The following ITGA4 variants were observed in gnomAD, a reference collection of about 807,000 sequenced individuals.
ITGA4 encodes the protein integrin alpha-4.
ITGA4 carries 63 observed loss-of-function variants against 133.6 expected under a neutral mutation model. That is an observed-to-expected ratio of 0.47 (90% CI 0.38 to 0.58). The LOEUF is 0.58. Ranked by LOEUF, ITGA4 falls within the 20% of genes least tolerant of loss-of-function variation. The pLI, the probability that ITGA4 is intolerant of heterozygous loss-of-function variation, is 0.00. For synonymous variants in ITGA4, 483 were observed against 438.0 expected, an observed-to-expected ratio of 1.10 and a Z score of -1.28; for missense variants, 1,076 against 1,252.7, an observed-to-expected ratio of 0.86 and a Z score of 2.13.
At chr2:181,487,024 A>T (rs536179800) in intron 10 of ITGA4, among the ~76,000 whole-genome samples, 1 of 152,334 alleles carries the variant, frequency 6.6e-6, no homozygotes, top group South Asian at 2.1e-4. Context: ...TATTGAATAC[A>T]TGCTTCCAGT....
At chr2:181,460,602 T>A (rs1685252382) in intron 2 of ITGA4, among the ~76,000 whole-genome samples, 1 of 148,940 alleles carries the variant, frequency 6.7e-6, no homozygotes, top group Admixed American at 6.7e-5. Flanking sequence ...TGTGTGTGTG[T>A]GAATCTTCTG....
chr2:181,530,458 AG>A (rs1347025993), intron 23 of ITGA4, 65 bp from the exon 24 acceptor site: 4 of 1,466,460 alleles, frequency 2.7e-6, no homozygotes, highest in Non-Finnish European at 3.7e-6. Context: ...TTTTAAAACC[AG>A]GTTGCTTTTT....
intron 10 of ITGA4, among the ~76,000 whole-genome samples, chr2:181,491,194 T>C (rs960363264): frequency 2.0e-5 from 3 of 152,218 alleles, no homozygotes; most frequent in Non-Finnish European, 2.9e-5. Context: ...TCTGTATTTT[T>C]CCTAAATATT....
At position 181,538,178 on chromosome 2, in the gene ITGA4, T is replaced by TACATGTTAC. The variant is rs1687283018; in HGVS notation, c.*2652_*2660dup. 1.9e-6 allele frequency: 3 copies of TACATGTTAC among 1,544,060 alleles called. No individual in the cohort carries two copies. The East Asian group carries it at 6.7e-5, about 35-fold the overall frequency. On this transcript the variant is annotated 3_prime_UTR_variant, in exon 28 of 28. Transcript: ENST00000397033. ...TTTGTACATTTCTTTTAGAAACAAT[T>TACATGTTAC]ACATGTTACTTTGGAATCATTTCTT... is the stretch of plus-strand genomic sequence containing the variant.
chr2:181,470,939 T>G (rs1574379301), intron 2 of ITGA4, among the ~76,000 whole-genome samples: 2 of 152,084 alleles, frequency 1.3e-5, no homozygotes, highest in African/African-American at 2.4e-5. Context: ...TAGGGGAAAT[T>G]ACAGGATGTT....
intron 21 of ITGA4, among the ~76,000 whole-genome samples, chr2:181,526,204 A>C (rs1686827537): frequency 6.6e-6 from 1 of 152,154 alleles, no homozygotes; most frequent in Admixed American, 6.5e-5. Flanking sequence ...TAAAAAGTTC[A>C]TTGCGTGTTT....
rs554502635 is a variant in ITGA4 at position 181,463,531 on chromosome 2, G to C, written c.319+5214G>C. On this transcript the variant is annotated intron_variant, in intron 2 of 27. Coordinates refer to ENST00000397033, the MANE Select transcript of ITGA4 (RefSeq NM_000885.6). ...TGAAGGTATTTAGGAGATAGCACTT[G>C]GTAATTATTGAATGAAAGAGATGAG... 2.5e-4 allele frequency among the ~76,000 whole-genome samples: 38 copies of C among 152,212 alleles called. 1 individual carries two copies. In the South Asian group the frequency reaches 7.9e-3, roughly 32 times the overall value.
chr2:181,460,566 A>ATTGTGTGTGTGTGTGTGT (rs79689303), intron 2 of ITGA4, among the ~76,000 whole-genome samples: 1 of 147,958 alleles, frequency 6.8e-6, no homozygotes. Flanking sequence ...TCTGTAGAAG[A>ATTGTGTGTGTGTGTGTGT]GTGTGTGTGT....
At chr2:181,476,396 A>T (rs917870009) in intron 4 of ITGA4, among the ~76,000 whole-genome samples, 4 of 152,186 alleles carry the variant, frequency 2.6e-5, no homozygotes, top group Non-Finnish European at 1.5e-5. Context: ...ATATTTTTTT[A>T]AAGGGATGAA....
intron 2 of ITGA4, among the ~76,000 whole-genome samples, chr2:181,460,564 AGAGTGTG>A (rs1363341428): frequency 3.2e-4 from 22 of 68,294 alleles, no homozygotes; most frequent in African/African-American, 1.2e-3. Context: ...CTTCTGTAGA[AGAGTGTG>A]TGTGTGTGTG....
chr2:181,477,373 A>G (rs1685700212), intron 4 of ITGA4, among the ~76,000 whole-genome samples: 2 of 152,128 alleles, frequency 1.3e-5, no homozygotes, highest in Non-Finnish European at 2.9e-5. Context: ...ATGAGACTAT[A>G]TTAGAAAGCT....
chr2:181,508,761 C>T (rs1384049253), intron 15 of ITGA4, among the ~76,000 whole-genome samples: 3 of 151,774 alleles, frequency 2.0e-5, no homozygotes, highest in African/African-American at 7.3e-5. Context: ...AGTGAAGCGA[C>T]CAGTGTATAC....
rs540953964 is a variant in ITGA4 at position 181,524,754 on chromosome 2, G to A, written c.2250-448G>A. On this transcript the variant is annotated intron_variant, in intron 20 of 27. Transcript: ENST00000397033. ...TAAGTAAAACTGATTATAAAGATACGTTAAGGCAGTACATGACTTGCTATA... is the reference window on the plus strand; with the variant it reads ...TAAGTAAAACTGATTATAAAGATACATTAAGGCAGTACATGACTTGCTATA... Among the ~76,000 whole-genome samples the A allele has an allele frequency of 7.9e-5, 12 of 151,948 alleles. No homozygotes were observed. In the South Asian group the frequency reaches 1.0e-3, roughly 13 times the overall value.
intron 18 of ITGA4, among the ~76,000 whole-genome samples, chr2:181,522,832 T>C (rs1402706355): frequency 6.6e-6 from 1 of 152,224 alleles, no homozygotes; most frequent in Non-Finnish European, 1.5e-5. Context: ...TTACCTTCTT[T>C]CTCTAGTGTT....
chr2:181,481,298 C>T (rs1685797420), intron 6 of ITGA4, among the ~76,000 whole-genome samples: 2 of 152,094 alleles, frequency 1.3e-5, no homozygotes, highest in South Asian at 4.1e-4. Context: ...ATTTAATATA[C>T]TCTAAAATAT....
intron 2 of ITGA4, among the ~76,000 whole-genome samples, chr2:181,460,498 A>G (rs1024836939): frequency 6.6e-6 from 1 of 151,932 alleles, no homozygotes; most frequent in Non-Finnish European, 1.5e-5. Flanking sequence ...TTTGTGGGCT[A>G]TGCACTATTT....
rs1364559047 is a variant in ITGA4 at position 181,485,948 on chromosome 2, A to C, written c.1109A>C (p.Glu370Ala). Residue 370 changes from glutamate (E) to alanine (A), a missense_variant, in exon 10 of 28, where the codon GAA becomes GCA. By Grantham distance (107) the Glu-to-Ala change is moderately radical (BLOSUM62 -1). Around this residue, in one of 4 missense-constraint regions of ITGA4, gnomAD observed 436 missense variants for 590.7 expected, o/e 0.74. Coordinates refer to ENST00000397033, the MANE Select transcript of ITGA4 (RefSeq NM_000885.6). Reference sequence around the variant, plus strand: ...GACAAATATGCTGCAAGATTTGGGGAATCTATAGTTAATCTTGGCGACATT... The same window carrying C: ...GACAAATATGCTGCAAGATTTGGGGCATCTATAGTTAATCTTGGCGACATT... ...GSDKYAARFG[E>A]SIVNLGDIDN... 3 of 1,604,246 alleles carry C rather than the reference A, an allele frequency of 1.9e-6. No homozygotes were observed. The highest frequency in any genetic ancestry group is 2.5e-6 in the Non-Finnish European group (3 of 1,177,748).
chr2:181,478,398 A>C (rs79916636), intron 4 of ITGA4, among the ~76,000 whole-genome samples: 2,890 of 152,160 alleles, frequency 0.019, 67 homozygotes, highest in South Asian at 0.13. Flanking sequence ...TAACTGTTTC[A>C]CTATGTATAC....
Position 181,523,474 on chromosome 2 carries a change from C to T in ITGA4, c.2111C>T (p.Ser704Phe). 1 of 1,610,332 alleles carries T rather than the reference C, an allele frequency of 6.2e-7. No individual in the cohort carries two copies. The highest frequency in any genetic ancestry group is 8.5e-7 in the Non-Finnish European group (1 of 1,176,832). ...ATAAACTGTGAAGTCACAGATAACT[C>T]TGGCGTGGTACAACTTGACTGCAGT... ...KQINCEVTDN[S>F]GVVQLDCSIG... Residue 704 changes from serine to phenylalanine, a missense_variant, in exon 19 of 28, where the codon TCT (serine) becomes TTT (phenylalanine). Ser to Phe is a radical substitution (Grantham distance 155). Around this residue, in one of 4 missense-constraint regions of ITGA4, gnomAD observed 365 missense variants for 421.4 expected, o/e 0.87. Transcript: ENST00000397033. This position sits in a 1 kb window ranked among gnomAD's most constrained non-coding sequence, Gnocchi z 4.2.
Sources: allele counts gnomAD v4.1 joint callset (sites outside exome capture counted in the v4.1 genomes callset), GRCh38; gene constraint gnomAD v4.1.1; regional missense constraint gnomAD v4.1.1; non-coding constraint Gnocchi (gnomAD v3.1); transcripts MANE v1.5; gene names NCBI Gene and HGNC (gene_info 2026-07-23, HGNC 2026-07-21).